CSNK1G1: variants seen among roughly 807,000 people sequenced by gnomAD.
CSNK1G1 encodes casein kinase I isoform gamma-1.
CSNK1G1 carries 22 observed loss-of-function variants against 59.6 expected under a neutral mutation model. That is an observed-to-expected ratio of 0.37 (90% CI 0.26 to 0.53). CSNK1G1 has a LOEUF of 0.53. Among genes scored for constraint, CSNK1G1 ranks in the 20% least tolerant of loss-of-function variants. The pLI is 0.89. For missense variants in CSNK1G1, 384 were observed against 519.5 expected (o/e 0.74, Z 2.54); for synonymous variants, 179 against 177.1 (o/e 1.01, Z -0.08).
chr15:64,181,371 G>T, intron 10 of CSNK1G1: 1 of 1,535,732 alleles, frequency 6.5e-7, no homozygotes, highest in African/African-American at 1.4e-5. Context: ...TGTGGGTGCT[G>T]GGAAGTGGGA....
intron 1 of CSNK1G1, among the ~76,000 whole-genome samples, chr15:64,325,745 A>G (rs1896803752): frequency 1.3e-5 from 2 of 152,218 alleles, no homozygotes; most frequent in East Asian, 1.9e-4. Flanking sequence ...GACTATCTTA[A>G]TAACTATCCT....
intron 4 of CSNK1G1, among the ~76,000 whole-genome samples, chr15:64,235,514 G>C (rs1222720994): frequency 6.6e-6 from 1 of 152,008 alleles, no homozygotes; most frequent in African/African-American, 2.4e-5. Context: ...CAAAGACACT[G>C]AAAACGAAAA....
intron 9 of CSNK1G1, among the ~76,000 whole-genome samples, 167 bp from the exon 10 acceptor site, chr15:64,203,356 G>A (rs2082133725): frequency 6.6e-6 from 1 of 152,116 alleles, no homozygotes; most frequent in Non-Finnish European, 1.5e-5. Flanking sequence ...GCAAAAGGGA[G>A]GCAGCCTGGT....
rs1189205428 is a variant in CSNK1G1 at position 64,170,477 on chromosome 15, A to G, written c.*1454T>C. On this transcript the variant is annotated 3_prime_UTR_variant, in exon 12 of 12. Coordinates refer to ENST00000303052, the MANE Select transcript of CSNK1G1 (RefSeq NM_022048.5). ...TATACTGCATCCTAAGCCTACTGCT[A>G]TGGACCTGCTGGGAGAAGATCTTCA... 2.0e-5 allele frequency: 3 copies of G among 152,646 alleles called. No individual in the cohort carries two copies. In the East Asian group the frequency reaches 5.8e-4, roughly 29 times the overall value. 9.5% of individuals were successfully genotyped at this position (152,646 alleles called of 1,614,324 possible).
rs751949873 is a variant in CSNK1G1 at position 64,172,007 on chromosome 15, A to G, written c.1215-22T>C. The G allele has an allele frequency of 8.7e-6, 14 of 1,611,584 alleles. No individual in the cohort carries two copies. The South Asian group carries it at 1.3e-4, about 15-fold the overall frequency. On this transcript the variant is annotated intron_variant, in intron 11 of 11. Coordinates refer to ENST00000303052, the MANE Select transcript of CSNK1G1 (RefSeq NM_022048.5). Reference sequence around the variant, plus strand: ...GCACCTGGAGCACAAGGAACATTGCAAGTCAGTGCGGGAGGCCTGCAGCTT... The same window carrying G: ...GCACCTGGAGCACAAGGAACATTGCGAGTCAGTGCGGGAGGCCTGCAGCTT...
In CSNK1G1 at chr15:64,320,690, A is replaced by G. The variant is rs61535959; in HGVS notation, c.-224-19967T>C. Among the ~76,000 whole-genome samples, 1,276 of 151,242 alleles carry G rather than the reference A, an allele frequency of 8.4e-3. 20 individuals carry two copies. Among genetic ancestry groups the G allele is most frequent in the African/African-American group, 0.029 (1,209 of 41,020 alleles). ...CAAGGCTCCATCACAAAAAAAAAAA[A>G]AAAAAAGAAAAAAGAAAAAAAAGAA... On this transcript the variant is annotated intron_variant, in intron 1 of 11. Transcript: ENST00000303052.
At chr15:64,203,276 G>T (rs1161816243) in intron 9 of CSNK1G1, 87 bp from the exon 10 acceptor site, 7 of 839,510 alleles carry the variant, frequency 8.3e-6, no homozygotes, top group Non-Finnish European at 1.4e-5. Flanking sequence ...AATTCTAATA[G>T]AGTAGTAGTA....
chr15:64,213,853 A>G, intron 6 of CSNK1G1, 37 bp downstream of exon 6: 1 of 1,354,664 alleles, frequency 7.4e-7, no homozygotes, highest in Non-Finnish European at 1.1e-6. Context: ...AACTGTTCTA[A>G]TGACTCGCCC....
chr15:64,239,822 C>A (rs1441541113), intron 4 of CSNK1G1, among the ~76,000 whole-genome samples: 1 of 152,142 alleles, frequency 6.6e-6, no homozygotes, highest in East Asian at 1.9e-4. Flanking sequence ...AGATTTCCCA[C>A]AGATGAAGAA....
chr15:64,258,002 G>A (rs1401343126), intron 3 of CSNK1G1, among the ~76,000 whole-genome samples: 1 of 152,130 alleles, frequency 6.6e-6, no homozygotes, highest in Non-Finnish European at 1.5e-5. Flanking sequence ...CCCCTTTGTA[G>A]GGAAACAAAT....
chr15:64,275,815 T>C (rs776258910), intron 2 of CSNK1G1, among the ~76,000 whole-genome samples: 2 of 152,204 alleles, frequency 1.3e-5, no homozygotes, highest in Non-Finnish European at 2.9e-5. Flanking sequence ...AAATATTATT[T>C]CATGAAACTT....
In CSNK1G1 at chr15:64,246,644, G is replaced by T. The variant is rs1015757309; in HGVS notation, c.292+4868C>A. Among the ~76,000 whole-genome samples, 36 of 145,848 alleles carry T rather than the reference G, an allele frequency of 2.5e-4. 1 individual carries two copies. The highest frequency in any genetic ancestry group is 1.5e-3 in the Admixed American group (22 of 14,750). The stretch of plus-strand genomic sequence containing the variant: ...TCTCTTTAAAAAAAAAAAAAAGGGG[G>T]GGGGGGAGGAATCTTGTCATTTTTT... On this transcript the variant is annotated intron_variant, in intron 4 of 11. Coordinates refer to ENST00000303052, the MANE Select transcript of CSNK1G1 (RefSeq NM_022048.5).
chr15:64,213,344 C>G (rs2082272129), intron 6 of CSNK1G1, among the ~76,000 whole-genome samples: 1 of 152,180 alleles, frequency 6.6e-6, no homozygotes, highest in African/African-American at 2.4e-5. Flanking sequence ...GTAAGGTCTT[C>G]TGCCTTGATT....
At chr15:64,178,148 G>A (rs2081763041) in intron 11 of CSNK1G1, among the ~76,000 whole-genome samples, 1 of 152,166 alleles carries the variant, frequency 6.6e-6, no homozygotes, top group African/African-American at 2.4e-5. Context: ...TGACTCCAAA[G>A]TGCAGCCAGT....
intron 9 of CSNK1G1, among the ~76,000 whole-genome samples, chr15:64,203,490 G>A (rs1480556544): frequency 6.6e-6 from 1 of 151,922 alleles, no homozygotes; most frequent in Non-Finnish European, 1.5e-5. Context: ...CTGAGGTCAG[G>A]AGTTCGAGAC....
At chr15:64,259,517 C>T (rs1055153503) in intron 2 of CSNK1G1, among the ~76,000 whole-genome samples, 3 of 148,530 alleles carry the variant, frequency 2.0e-5, no homozygotes, top group African/African-American at 7.6e-5. Context: ...CACACACACA[C>T]ACACACATGC....
At chr15:64,201,109 T>C (rs192095306) in intron 10 of CSNK1G1, among the ~76,000 whole-genome samples, 6 of 151,714 alleles carry the variant, frequency 4.0e-5, no homozygotes, top group South Asian at 2.1e-4. Flanking sequence ...TCATCTCTAA[T>C]AAAAATACAA....
chr15:64,268,537 C>T (rs1001915878), intron 2 of CSNK1G1, among the ~76,000 whole-genome samples: 1 of 152,198 alleles, frequency 6.6e-6, no homozygotes, highest in Non-Finnish European at 1.5e-5. Flanking sequence ...CTCCTCATGT[C>T]TGTGTGGGTT....
chr15:64,294,948 G>C (rs900323876), intron 2 of CSNK1G1, among the ~76,000 whole-genome samples: 2 of 148,130 alleles, frequency 1.4e-5, no homozygotes, highest in Admixed American at 6.7e-5. Flanking sequence ...GGGTCGGGGG[G>C]TGGCCAGGCG....
Sources: allele counts gnomAD v4.1 joint callset (sites outside exome capture counted in the v4.1 genomes callset), GRCh38; gene constraint gnomAD v4.1.1; transcripts MANE v1.5; gene names NCBI Gene and HGNC (gene_info 2026-07-23, HGNC 2026-07-21).